The following KCNMB2 variants were observed in gnomAD, a reference collection of about 807,000 sequenced individuals.
The protein encoded by KCNMB2 is potassium calcium-activated channel subfamily M regulatory beta subunit 2, also known as calcium-activated potassium channel subunit beta-2.
KCNMB2 carries 9 observed loss-of-function variants against 24.5 expected under a neutral mutation model. The ratio of observed to expected loss-of-function variants is 0.37; its 90% CI spans 0.22 to 0.64. The LOEUF is 0.64. KCNMB2 is among the 30% of genes least tolerant of loss of function. The probability of loss-of-function intolerance (pLI) is 0.63; values close to 1 mark genes in which losing one functional copy is unlikely to be tolerated. For synonymous variants in KCNMB2, 109 were observed against 104.4 expected (o/e 1.04, Z -0.27); for missense variants, 226 against 284.3 (o/e 0.79, Z 1.47).
chr3:178,610,849 T>C (rs1194845541), intron 1 of KCNMB2, among the ~76,000 whole-genome samples: 1 of 152,226 alleles, frequency 6.6e-6, no homozygotes, highest in Non-Finnish European at 1.5e-5. Flanking sequence ...CCACTTAATA[T>C]GATACTAGCT....
rs781649535 is a variant in KCNMB2 at position 178,825,640 on chromosome 3, G to C, written c.109G>C (p.Val37Leu). The change falls in exon 3 of 5, where the codon GTC (valine) becomes CTC (leucine). Residue 37 changes from valine to leucine, a missense_variant. Coordinates refer to ENST00000452583, the MANE Select transcript of KCNMB2 (RefSeq NM_181361.3). Reference sequence around the variant, plus strand: ...TGACCTCCTGGACAAAAGGAAAACAGTCACAGCACTGAAGGCAGGAGAGGA... The same window carrying C: ...TGACCTCCTGGACAAAAGGAAAACACTCACAGCACTGAAGGCAGGAGAGGA... ...DHDLLDKRKT[V>L]TALKAGEDRA... 2 of 1,614,020 alleles carry C rather than the reference G, an allele frequency of 1.2e-6. No homozygotes were observed. Among genetic ancestry groups the C allele is most frequent in the Non-Finnish European group, 1.7e-6 (2 of 1,179,882 alleles).
intron 1 of KCNMB2, among the ~76,000 whole-genome samples, chr3:178,689,127 T>C (rs928694880): frequency 1.3e-5 from 2 of 152,196 alleles, no homozygotes; most frequent in Non-Finnish European, 1.5e-5. Context: ...AATATTGTTG[T>C]TTATTATAAT....
chr3:178,659,537 G>C (rs1175647424), intron 1 of KCNMB2, among the ~76,000 whole-genome samples: 1 of 152,156 alleles, frequency 6.6e-6, no homozygotes, highest in African/African-American at 2.4e-5. Context: ...TCTGTTTACA[G>C]ATAAAGAAAT....
chr3:178,733,002 T>C (rs1180479197), intron 1 of KCNMB2, among the ~76,000 whole-genome samples: 2 of 152,132 alleles, frequency 1.3e-5, no homozygotes, highest in African/African-American at 4.8e-5. Flanking sequence ...TAGATGATGA[T>C]AGTTAAAATT....
chr3:178,729,043 C>T lies in KCNMB2; in HGVS notation c.-67-78300C>T, dbSNP rs61796919. On this transcript the variant is annotated intron_variant, in intron 1 of 4. Coordinates refer to ENST00000452583, the MANE Select transcript of KCNMB2 (RefSeq NM_181361.3). ...TTTTCCAGATGAAATGTAAGATAAG[C>T]AAACAAAAGGAAGTTACCCGTGTGA... 8.5e-3 allele frequency among the ~76,000 whole-genome samples: 1,291 copies of T among 152,040 alleles called. 10 individuals are homozygous for T. Among genetic ancestry groups the T allele is most frequent in the Non-Finnish European group, 0.012 (816 of 67,980 alleles).
chr3:178,701,130 T>G (rs1722077472), intron 1 of KCNMB2, among the ~76,000 whole-genome samples: 2 of 152,220 alleles, frequency 1.3e-5, no homozygotes. Context: ...AATTAATTGT[T>G]GTATAAGGTG....
chr3:178,601,805 G>A (rs1217237618), intron 1 of KCNMB2, among the ~76,000 whole-genome samples: 1 of 152,126 alleles, frequency 6.6e-6, no homozygotes, highest in African/African-American at 2.4e-5. Flanking sequence ...AGAAAGAGTT[G>A]AAAACTAACA....
In KCNMB2 at chr3:178,778,245, C is replaced by T. The variant is rs73051683; in HGVS notation, c.-67-29098C>T. On this transcript the variant is annotated intron_variant, in intron 1 of 4. Coordinates refer to ENST00000452583, the MANE Select transcript of KCNMB2 (RefSeq NM_181361.3). ...ATTGAGTCATCTTTTGACCTTGATACAACTGAAGCTTTAAGATAAATCCAT... is the reference window on the plus strand; with the variant it reads ...ATTGAGTCATCTTTTGACCTTGATATAACTGAAGCTTTAAGATAAATCCAT... Among the ~76,000 whole-genome samples the T allele has an allele frequency of 2.6e-3, 402 of 152,158 alleles. 3 individuals carry two copies. Among genetic ancestry groups the T allele is most frequent in the African/African-American group, 9.1e-3 (378 of 41,502 alleles).
At chr3:178,687,251 T>G (rs1721502581) in intron 1 of KCNMB2, among the ~76,000 whole-genome samples, 1 of 152,128 alleles carries the variant, frequency 6.6e-6, no homozygotes, top group African/African-American at 2.4e-5. Flanking sequence ...TACTTTCACA[T>G]GACTGGAATG....
At chr3:178,593,218 C>T (rs767318156) in intron 1 of KCNMB2, among the ~76,000 whole-genome samples, 1 of 151,934 alleles carries the variant, frequency 6.6e-6, no homozygotes, top group Non-Finnish European at 1.5e-5. Context: ...TTAACAGAAA[C>T]TTTTAAAATA....
chr3:178,690,834 G>A (rs184659642), intron 1 of KCNMB2, among the ~76,000 whole-genome samples: 2 of 152,164 alleles, frequency 1.3e-5, no homozygotes, highest in African/African-American at 4.8e-5. Context: ...TGCTTCAAAC[G>A]TTTTGGCAGG....
At chr3:178,685,325 T>C (rs1721428612) in intron 1 of KCNMB2, among the ~76,000 whole-genome samples, 1 of 152,212 alleles carries the variant, frequency 6.6e-6, no homozygotes, top group African/African-American at 2.4e-5. Context: ...CCATCAATAA[T>C]AATAATCTAG....
intron 1 of KCNMB2, among the ~76,000 whole-genome samples, chr3:178,692,294 C>A (rs1315675978): frequency 1.3e-5 from 2 of 152,066 alleles, no homozygotes; most frequent in Non-Finnish European, 1.5e-5. Flanking sequence ...TTGCTTTTAG[C>A]ATCTTCATCA....
rs1229758729 is a variant in KCNMB2, at chr3:178,758,091, G to GAT, written c.-67-49240_-67-49239dup. ...GAGGATATATATATATACACAAGAG[G>GAT]ATATATATATATACACACAAGAGGA... is the stretch of plus-strand genomic sequence containing the variant. On this transcript the variant is annotated intron_variant, in intron 1 of 4. Coordinates refer to ENST00000452583, the MANE Select transcript of KCNMB2 (RefSeq NM_181361.3). Among the ~76,000 whole-genome samples the GAT allele has an allele frequency of 6.7e-4, 45 of 67,340 alleles. 4 individuals carry two copies. The highest frequency in any genetic ancestry group is 1.1e-3 in the Non-Finnish European group (39 of 36,354). The allele number at this position is 67,340 out of a possible 152,430, so 44.2% of individuals were successfully genotyped here.
intron 1 of KCNMB2, among the ~76,000 whole-genome samples, chr3:178,541,142 T>A (rs35996842): frequency 0.12 from 17,725 of 152,178 alleles, 1,220 homozygotes; most frequent in Middle Eastern, 0.22. Flanking sequence ...AGGAAATTTA[T>A]CAAGATGGTT....
intron 1 of KCNMB2, among the ~76,000 whole-genome samples, chr3:178,570,268 T>C (rs1716724622): frequency 6.6e-6 from 1 of 152,164 alleles, no homozygotes; most frequent in Non-Finnish European, 1.5e-5. Flanking sequence ...AGACAAATCA[T>C]AACCCTCTCA....
chr3:178,702,370 A>T (rs1256859162), intron 1 of KCNMB2, among the ~76,000 whole-genome samples: 1 of 151,774 alleles, frequency 6.6e-6, no homozygotes, highest in Non-Finnish European at 1.5e-5. Flanking sequence ...AACATGGCAC[A>T]TGTATACATA....
intron 1 of KCNMB2, among the ~76,000 whole-genome samples, chr3:178,591,535 C>CT (rs1232940809): frequency 6.6e-6 from 1 of 152,154 alleles, no homozygotes; most frequent in African/African-American, 2.4e-5. Context: ...TTAAATCAAT[C>CT]TTCCCCAAAG....
At chr3:178,599,779 GC>G (rs1166791245) in intron 1 of KCNMB2, among the ~76,000 whole-genome samples, 1 of 152,048 alleles carries the variant, frequency 6.6e-6, no homozygotes, top group Non-Finnish European at 1.5e-5. Flanking sequence ...TCCTCTGCCA[GC>G]CCCTGGGAAC....
Sources: allele counts gnomAD v4.1 joint callset (sites outside exome capture counted in the v4.1 genomes callset), GRCh38; gene constraint gnomAD v4.1.1; transcripts MANE v1.5; gene names NCBI Gene and HGNC (gene_info 2026-07-23, HGNC 2026-07-21).